THSD7B: variants seen among roughly 807,000 people sequenced by gnomAD.
The protein encoded by THSD7B is thrombospondin type 1 domain containing 7B.
Under a neutral mutation model 213.6 loss-of-function variants are expected in THSD7B, and 138 were observed. The ratio of observed to expected loss-of-function variants is 0.65; its 90% CI spans 0.56 to 0.74. The LOEUF (loss-of-function observed/expected upper bound fraction) is 0.74, where lower values mean the gene tolerates loss of function less well. Ranked by LOEUF, THSD7B falls within the 30% of genes least tolerant of loss-of-function variation. The pLI is 0.00. For synonymous variants in THSD7B, 742 were observed against 687.0 expected (o/e 1.08, Z -1.25); for missense variants, 1,931 against 1,991.5 (o/e 0.97, Z 0.58).
At chr2:136,966,514 G>A (rs960025173) in intron 2 of THSD7B, among the ~76,000 whole-genome samples, 3 of 152,206 alleles carry the variant, frequency 2.0e-5, no homozygotes, top group African/African-American at 7.2e-5. Context: ...GCTGTGTCCA[G>A]CCAACAACAT....
At chr2:136,976,716 G>A (rs1273756974) in intron 2 of THSD7B, among the ~76,000 whole-genome samples, 3 of 151,870 alleles carry the variant, frequency 2.0e-5, no homozygotes, top group African/African-American at 7.3e-5. Flanking sequence ...CCGCCTCCCA[G>A]GTTCACGCCA....
intron 10 of THSD7B, among the ~76,000 whole-genome samples, chr2:137,253,453 A>G (rs968819526): frequency 1.3e-5 from 2 of 152,188 alleles, no homozygotes; most frequent in African/African-American, 4.8e-5. Flanking sequence ...ATCCTATGGC[A>G]CATGGATATT....
intron 2 of THSD7B, among the ~76,000 whole-genome samples, chr2:136,918,437 T>C (rs554272): frequency 0.41 from 62,138 of 152,092 alleles, 14,904 homozygotes; most frequent in Non-Finnish European, 0.55. Context: ...CAAATATAGT[T>C]GCTACGTTAT....
At chr2:136,977,148 T>C (rs1685494941) in intron 2 of THSD7B, among the ~76,000 whole-genome samples, 1 of 152,218 alleles carries the variant, frequency 6.6e-6, no homozygotes. Flanking sequence ...TCAGAACTTA[T>C]TATTGGTCTA....
At chr2:137,614,227 T>G (rs148502091) in intron 17 of THSD7B, among the ~76,000 whole-genome samples, 1 of 152,194 alleles carries the variant, frequency 6.6e-6, no homozygotes, top group African/African-American at 2.4e-5. Context: ...TATACACATA[T>G]GGACTGTGAG....
chr2:137,491,939 T>A (rs1269417624), intron 15 of THSD7B, among the ~76,000 whole-genome samples: 5 of 152,214 alleles, frequency 3.3e-5, no homozygotes, highest in Admixed American at 2.0e-4. Context: ...GATGTGTTGG[T>A]CTTTGAAAAA....
intron 2 of THSD7B, among the ~76,000 whole-genome samples, chr2:136,891,102 A>AT (rs1422304840): frequency 6.6e-6 from 1 of 150,510 alleles, no homozygotes; most frequent in Non-Finnish European, 1.5e-5. Flanking sequence ...TTGTTCTATG[A>AT]TTTTTTTAAA....
At position 137,387,775 on chromosome 2, in the gene THSD7B, C is replaced by T. The variant is rs181969831; in HGVS notation, c.2501-17838C>T. Among the ~76,000 whole-genome samples, 531 of 152,124 alleles carry T rather than the reference C, an allele frequency of 3.5e-3. 4 individuals are homozygous for T. The highest frequency in any genetic ancestry group is 0.012 in the African/African-American group (497 of 41,474). ...CTGACAGATAAATTTTCTGTAATAC[C>T]ATATTTTATTCTACCTAACCATTAC... On this transcript the variant is annotated intron_variant, in intron 12 of 27. Coordinates refer to ENST00000409968, the MANE Select transcript of THSD7B (RefSeq NM_001316349.2).
At chr2:136,825,437 C>A (rs570182486) in intron 1 of THSD7B, among the ~76,000 whole-genome samples, 1 of 152,134 alleles carries the variant, frequency 6.6e-6, no homozygotes, top group Non-Finnish European at 1.5e-5. Context: ...GGACAGCTTG[C>A]GTTCCTTGGC....
intron 2 of THSD7B, among the ~76,000 whole-genome samples, chr2:137,026,872 GT>G (rs1257022215): frequency 6.6e-6 from 1 of 152,054 alleles, no homozygotes; most frequent in African/African-American, 2.4e-5. Context: ...TTTCCTTAGT[GT>G]TTGTCAATTT....
At chr2:137,105,380 A>G (rs1688227369) in intron 4 of THSD7B, among the ~76,000 whole-genome samples, 2 of 152,208 alleles carry the variant, frequency 1.3e-5, no homozygotes, top group Admixed American at 6.5e-5. Context: ...TAAACTCAAT[A>G]AACTAGGTAT....
At chr2:137,318,345 C>T (rs890871089) in intron 12 of THSD7B, among the ~76,000 whole-genome samples, 4 of 152,106 alleles carry the variant, frequency 2.6e-5, no homozygotes, top group Non-Finnish European at 5.9e-5. Context: ...TCCAATGTTG[C>T]AGAAAAAGCC....
At chr2:136,869,480 T>C (rs1037413086) in intron 1 of THSD7B, among the ~76,000 whole-genome samples, 10 of 152,246 alleles carry the variant, frequency 6.6e-5, no homozygotes, top group African/African-American at 2.4e-4. Context: ...TCAATGATTT[T>C]CCACCTTAAA....
At chr2:137,284,967 G>C (rs1295138281) in intron 12 of THSD7B, among the ~76,000 whole-genome samples, 1 of 152,078 alleles carries the variant, frequency 6.6e-6, no homozygotes, top group African/African-American at 2.4e-5. Context: ...TTAACTTTCT[G>C]TCTCGTTGAT....
At chr2:137,560,411 A>T (rs1273767516) in intron 15 of THSD7B, among the ~76,000 whole-genome samples, 1 of 152,204 alleles carries the variant, frequency 6.6e-6, no homozygotes, top group Non-Finnish European at 1.5e-5. Context: ...TGTCCTTTGT[A>T]GGGACATGGA....
chr2:137,177,871 G>T (rs1009779392), intron 7 of THSD7B, among the ~76,000 whole-genome samples: 3 of 151,814 alleles, frequency 2.0e-5, no homozygotes, highest in Admixed American at 6.6e-5. Flanking sequence ...AGGAGATTGA[G>T]ACCATCCTGG....
At chr2:137,317,341 C>T (rs111766901) in intron 12 of THSD7B, among the ~76,000 whole-genome samples, 21 of 152,244 alleles carry the variant, frequency 1.4e-4, no homozygotes, top group East Asian at 5.8e-4. Context: ...GCCTATTTCT[C>T]GTAAACCTCT....
chr2:136,779,444 A>G (rs141862835), intron 1 of THSD7B, among the ~76,000 whole-genome samples: 84 of 152,194 alleles, frequency 5.5e-4, no homozygotes, highest in Admixed American at 9.8e-4. Flanking sequence ...TTCTTTTCTT[A>G]TGAGTATTGT....
At chr2:137,469,380 A>G (rs1299266173) in intron 15 of THSD7B, among the ~76,000 whole-genome samples, 1 of 152,244 alleles carries the variant, frequency 6.6e-6, no homozygotes, top group South Asian at 2.1e-4. Context: ...ATGAATTATT[A>G]TCAGTCATTT....
Sources: gnomAD v4.1 joint callset for allele counts (sites outside exome capture counted in the v4.1 genomes callset) on GRCh38, gnomAD v4.1.1 for gene constraint, MANE v1.5 for transcripts, NCBI Gene and HGNC (gene_info 2026-07-23, HGNC 2026-07-21) for gene names.